AGBL1: variants seen among roughly 807,000 people sequenced by gnomAD.
The protein encoded by AGBL1 is AGBL carboxypeptidase 1.
Under a neutral mutation model 118.9 loss-of-function variants are expected in AGBL1, and 130 were observed. That is an observed-to-expected ratio of 1.09 (90% CI 0.95 to 1.26). AGBL1 has a LOEUF of 1.26. Among genes scored for constraint, AGBL1 ranks in the 50% most tolerant of loss-of-function variants. The probability of loss-of-function intolerance (pLI) is 0.00; values close to 1 mark genes in which losing one functional copy is unlikely to be tolerated. For synonymous variants in AGBL1, 555 were observed against 478.9 expected, an observed-to-expected ratio of 1.16 and a Z score of -2.08; for missense variants, 1,584 against 1,298.1, an observed-to-expected ratio of 1.22 and a Z score of -3.38.
chr15:86,522,979 C>A, intron 19 of AGBL1, 40 bp downstream of exon 19: 1 of 1,593,046 alleles, frequency 6.3e-7, no homozygotes. Flanking sequence ...CTGGCTGCTT[C>A]CTTCTACCTT....
intron 22 of AGBL1, among the ~76,000 whole-genome samples, chr15:86,900,482 T>G (rs1481633602): frequency 6.6e-6 from 1 of 152,182 alleles, no homozygotes; most frequent in Non-Finnish European, 1.5e-5. Context: ...TTCTTAGTTC[T>G]TTCTTTTAAT....
chr15:86,423,670 T>G (rs1321571376), intron 18 of AGBL1, among the ~76,000 whole-genome samples: 6 of 152,206 alleles, frequency 3.9e-5, no homozygotes, highest in Non-Finnish European at 8.8e-5. Context: ...CTTAAGCTGA[T>G]AAGCAACTTC....
At chr15:86,994,889 A>G (rs763131166) in intron 24 of AGBL1, among the ~76,000 whole-genome samples, 21 of 152,170 alleles carry the variant, frequency 1.4e-4, no homozygotes, top group Non-Finnish European at 5.9e-5. Context: ...TGTGGGGTGA[A>G]GTAAAATCTT....
chr15:86,383,133 G>T (rs1293143690), intron 17 of AGBL1, among the ~76,000 whole-genome samples: 1 of 151,256 alleles, frequency 6.6e-6, no homozygotes, highest in Admixed American at 6.6e-5. Flanking sequence ...TCATGTGGTG[G>T]TTTTTCTGCT....
At chr15:86,741,659 A>G (rs2077682024) in intron 22 of AGBL1, among the ~76,000 whole-genome samples, 1 of 152,060 alleles carries the variant, frequency 6.6e-6, no homozygotes, top group Non-Finnish European at 1.5e-5. Context: ...CACTGTTCTA[A>G]TTGACCTTCA....
At chr15:86,804,128 C>T (rs966292831) in intron 22 of AGBL1, among the ~76,000 whole-genome samples, 14 of 152,056 alleles carry the variant, frequency 9.2e-5, no homozygotes, top group African/African-American at 3.1e-4. Context: ...AATTCCAGCC[C>T]TTTAGTATTT....
At chr15:86,830,359 C>T (rs982174119) in intron 22 of AGBL1, among the ~76,000 whole-genome samples, 2 of 151,998 alleles carry the variant, frequency 1.3e-5, no homozygotes, top group Non-Finnish European at 2.9e-5. Context: ...TGTTTTTGAA[C>T]CTTATTTTTT....
chr15:86,608,360 C>A (rs2447264), intron 21 of AGBL1, among the ~76,000 whole-genome samples: 71,109 of 152,062 alleles, frequency 0.47, 16,660 homozygotes, highest in East Asian at 0.6. Context: ...GTCCTTTTCC[C>A]CAAATTCACT....
intron 1 of AGBL1, among the ~76,000 whole-genome samples, chr15:86,131,004 T>C (rs771473172): frequency 6.6e-6 from 1 of 152,190 alleles, no homozygotes; most frequent in Non-Finnish European, 1.5e-5. Context: ...TTGATCCCAG[T>C]TCAGCTGAGA....
chr15:86,295,671 C>G (rs1009791711), intron 17 of AGBL1: 1 of 285,748 alleles, frequency 3.5e-6, no homozygotes. Context: ...GTCACTTCCT[C>G]TCTTAAAACA....
chr15:86,247,892 G>T lies in AGBL1; in HGVS notation c.735+13G>T. On this transcript the variant is annotated intron_variant, in intron 7 of 22. Coordinates refer to ENST00000614907, the MANE Select transcript of AGBL1 (RefSeq NM_001386094.1). Reference sequence around the variant, plus strand: ...CAGCACCACACAGGCAGGCAGCATGGGGATTCACTCTGCAGCTGGAGGCCA... The same window carrying T: ...CAGCACCACACAGGCAGGCAGCATGTGGATTCACTCTGCAGCTGGAGGCCA... 6.2e-7 allele frequency: 1 copy of T among 1,613,444 alleles called. No homozygotes were observed. The highest frequency in any genetic ancestry group is 1.3e-5 in the African/African-American group (1 of 75,052).
intron 6 of AGBL1, among the ~76,000 whole-genome samples, chr15:86,246,885 A>C (rs2078729301): frequency 1.4e-5 from 2 of 138,166 alleles, no homozygotes; most frequent in South Asian, 5.4e-4. Context: ...AGTCAGCTCA[A>C]CCCAAATGAC....
At chr15:86,790,376 G>A (rs942719644) in intron 22 of AGBL1, among the ~76,000 whole-genome samples, 5 of 150,268 alleles carry the variant, frequency 3.3e-5, no homozygotes, top group African/African-American at 9.8e-5. Context: ...ACGCATGCAC[G>A]CACGCACACA....
chr15:86,566,825 A>G (rs2083924159), intron 21 of AGBL1, among the ~76,000 whole-genome samples: 2 of 152,334 alleles, frequency 1.3e-5, no homozygotes, highest in South Asian at 2.1e-4. Flanking sequence ...AGATGTATAC[A>G]GGAAAGCAGA....
intron 17 of AGBL1, among the ~76,000 whole-genome samples, chr15:86,304,100 A>G (rs1398796613): frequency 4.6e-5 from 7 of 152,282 alleles, no homozygotes; most frequent in African/African-American, 1.4e-4. Context: ...TGTTTACACT[A>G]CAAGTAATAT....
At chr15:87,025,164 C>G (rs2081713036) in intron 24 of AGBL1, among the ~76,000 whole-genome samples, 1 of 151,964 alleles carries the variant, frequency 6.6e-6, no homozygotes, top group African/African-American at 2.4e-5. Context: ...AAAGGGCATC[C>G]AAATTGGTAA....
At chr15:86,156,689 T>A (rs1219561139) in intron 4 of AGBL1, among the ~76,000 whole-genome samples, 1 of 152,184 alleles carries the variant, frequency 6.6e-6, no homozygotes, top group African/African-American at 2.4e-5. Context: ...AATAGTAGAA[T>A]GAGTACAGAT....
intron 23 of AGBL1, among the ~76,000 whole-genome samples, chr15:86,938,547 G>A (rs1224811316): frequency 1.3e-5 from 2 of 152,130 alleles, no homozygotes; most frequent in East Asian, 3.9e-4. Flanking sequence ...GAATGGCATG[G>A]GGGCTGTTCC....
intron 22 of AGBL1, among the ~76,000 whole-genome samples, chr15:86,705,331 A>G (rs1293570851): frequency 2.0e-5 from 3 of 152,180 alleles, no homozygotes; most frequent in African/African-American, 7.2e-5. Flanking sequence ...TCTTTTTTAA[A>G]TAAATTACCC....
Sources: allele counts gnomAD v4.1 joint callset (sites outside exome capture counted in the v4.1 genomes callset), GRCh38; gene constraint gnomAD v4.1.1; transcripts MANE v1.5; gene names NCBI Gene and HGNC (gene_info 2026-07-23, HGNC 2026-07-21).